Variants in MEMO1 observed in about 807,000 individuals in gnomAD.
MEMO1 encodes mediator of cell motility 1.
In MEMO1, 6 loss-of-function variants were observed where a neutral mutation model predicts 45.2. The observed-to-expected ratio is 0.13, with a 90% CI of 0.07 to 0.26. The LOEUF is 0.26. MEMO1 is among the 10% of genes least tolerant of loss of function. MEMO1 has a pLI of 1.00. For missense variants in MEMO1, 184 were observed against 370.5 expected (o/e 0.50, Z 4.13); for synonymous variants, 78 against 124.3 (o/e 0.63, Z 2.48).
intron 5 of MEMO1, 52 bp downstream of exon 5, chr2:31,920,746 C>T (rs1682203389): frequency 9.9e-7 from 1 of 1,007,628 alleles, no homozygotes; most frequent in Admixed American, 2.8e-5. Context: ...TTTACAAGTC[C>T]TGTTAAAAGA....
chr2:32,006,964 CAAAAAAAAA>C (rs67557055), intron 2 of MEMO1, among the ~76,000 whole-genome samples: 14 of 75,970 alleles, frequency 1.8e-4, no homozygotes, highest in Non-Finnish European at 3.0e-4. Context: ...GATTCCATCT[CAAAAAAAAA>C]AAAAAAAAAA....
intron 4 of MEMO1, among the ~76,000 whole-genome samples, chr2:31,924,427 T>A (rs563364389): frequency 6.7e-6 from 1 of 149,362 alleles, no homozygotes; most frequent in South Asian, 2.1e-4. Context: ...TATTAGCACA[T>A]CATCGGTGAT....
intron 2 of MEMO1, among the ~76,000 whole-genome samples, chr2:31,953,361 C>T (rs1168890563): frequency 7.5e-5 from 10 of 132,894 alleles, no homozygotes; most frequent in African/African-American, 2.6e-4. Flanking sequence ...AGTGAAACTC[C>T]GTCTCAAAAA....
At chr2:31,894,681 A>G (rs1039084130) in intron 6 of MEMO1, among the ~76,000 whole-genome samples, 2 of 152,174 alleles carry the variant, frequency 1.3e-5, no homozygotes, top group Non-Finnish European at 2.9e-5. Flanking sequence ...AACCTGAGAG[A>G]CCTAGCTCTC....
intron 2 of MEMO1, among the ~76,000 whole-genome samples, chr2:31,969,601 GTGTGTGT>G (rs1669121968): frequency 6.7e-6 from 1 of 148,564 alleles, no homozygotes; most frequent in Admixed American, 6.8e-5. Context: ...GTGTGTGTGT[GTGTGTGT>G]GTGTGTGTGT....
chr2:31,970,261 C>A (rs1413082501), intron 2 of MEMO1, among the ~76,000 whole-genome samples: 1 of 152,026 alleles, frequency 6.6e-6, no homozygotes, highest in African/African-American at 2.4e-5. Context: ...TGAGCCACCG[C>A]GCCTGGCCTC....
chr2:31,927,016 C>T (rs770549497), intron 4 of MEMO1, among the ~76,000 whole-genome samples: 8 of 152,056 alleles, frequency 5.3e-5, no homozygotes, highest in Non-Finnish European at 1.0e-4. Flanking sequence ...AACTGTAAAA[C>T]AGACAATGAA....
At chr2:31,918,567 G>A (rs1410874244) in intron 5 of MEMO1, among the ~76,000 whole-genome samples, 1 of 152,112 alleles carries the variant, frequency 6.6e-6, no homozygotes, top group Admixed American at 6.6e-5. Context: ...ACCAAGAAGA[G>A]AAAATTCTCA....
chr2:31,914,514 A>C (rs536303948), intron 6 of MEMO1, among the ~76,000 whole-genome samples: 23 of 152,324 alleles, frequency 1.5e-4, no homozygotes, highest in Middle Eastern at 3.4e-3. Context: ...TGGAACACTA[A>C]AGATAAATGC....
At chr2:31,909,748 AT>A (rs1441916471) in intron 6 of MEMO1, among the ~76,000 whole-genome samples, 2 of 152,148 alleles carry the variant, frequency 1.3e-5, no homozygotes, top group Non-Finnish European at 2.9e-5. Context: ...CTTCAAAGAA[AT>A]TTTTTTAAAT....
intron 1 of MEMO1, among the ~76,000 whole-genome samples, chr2:32,010,714 AC>A (rs1194029184): frequency 2.2e-5 from 1 of 45,320 alleles, no homozygotes; most frequent in African/African-American, 8.2e-5. Flanking sequence ...ACCCACCCCC[AC>A]CCCCGGCAGG....
intron 2 of MEMO1, among the ~76,000 whole-genome samples, chr2:31,977,074 G>C (rs183389210): frequency 1.1e-4 from 16 of 152,142 alleles, no homozygotes; most frequent in Admixed American, 1.0e-3. Context: ...AAAATGTTGG[G>C]AAGAAAAAGG....
intron 2 of MEMO1, among the ~76,000 whole-genome samples, chr2:31,996,271 G>A (rs573660697): frequency 6.6e-6 from 1 of 152,138 alleles, no homozygotes; most frequent in South Asian, 2.1e-4. Flanking sequence ...AAAGAGGCAT[G>A]GCACGGTGGC....
At chr2:32,007,882 T>C (rs1189907626) in intron 2 of MEMO1, among the ~76,000 whole-genome samples, 3 of 152,232 alleles carry the variant, frequency 2.0e-5, no homozygotes, top group Admixed American at 2.0e-4. Flanking sequence ...AATAAGCTTT[T>C]ACAATTGAAT....
At chr2:31,930,658 T>TA (rs1558511877) in intron 4 of MEMO1, among the ~76,000 whole-genome samples, 7 of 151,668 alleles carry the variant, frequency 4.6e-5, no homozygotes, top group African/African-American at 9.7e-5. Context: ...ATATATATAT[T>TA]TTTTTTGAAA....
chr2:31,935,697 A>T lies in MEMO1; in HGVS notation c.144-3562T>A, dbSNP rs371542495. On this transcript the variant is annotated intron_variant, in intron 3 of 9. Transcript: ENST00000404530. ...CGCCCAGAAACATGGTAATGAAGAA[A>T]ATCAGAATAATGACAATCAAATCAC... is the stretch of plus-strand genomic sequence containing the variant. Among the ~76,000 whole-genome samples the T allele has an allele frequency of 6.6e-5, 10 of 152,304 alleles. No homozygotes were observed. In the South Asian group the frequency reaches 2.1e-3, roughly 32 times the overall value.
chr2:31,995,847 T>C (rs13339836), intron 2 of MEMO1, among the ~76,000 whole-genome samples: 70 of 151,556 alleles, frequency 4.6e-4, no homozygotes, highest in Admixed American at 2.0e-3. Flanking sequence ...AGCAGGAAAA[T>C]GGTAATAAGT....
intron 3 of MEMO1, 148 bp from the exon 4 acceptor site, chr2:31,932,283 C>A: frequency 3.3e-6 from 2 of 608,896 alleles, no homozygotes; most frequent in Non-Finnish European, 2.9e-6. Context: ...AATGATGTGA[C>A]TTCTAGAAGA....
At chr2:31,950,690 C>T (rs1666747401) in intron 2 of MEMO1, among the ~76,000 whole-genome samples, 1 of 147,782 alleles carries the variant, frequency 6.8e-6, no homozygotes, top group African/African-American at 2.5e-5. Context: ...CACTGTACTC[C>T]AGCCTGGGTG....
Sources: allele counts gnomAD v4.1 joint callset (sites outside exome capture counted in the v4.1 genomes callset), GRCh38; gene constraint gnomAD v4.1.1; transcripts MANE v1.5; gene names NCBI Gene and HGNC (gene_info 2026-07-23, HGNC 2026-07-21).